The following HUWE1 variants were observed in gnomAD, a reference collection of about 807,000 sequenced individuals.
HUWE1 encodes E3 ubiquitin-protein ligase HUWE1.
A neutral mutation model predicts 299.4 loss-of-function variants in HUWE1; 18 were observed. The ratio of observed to expected loss-of-function variants is 0.06; its 90% CI spans 0.04 to 0.09. The LOEUF is 0.09. Ranked by LOEUF, HUWE1 falls within the 10% of genes least tolerant of loss-of-function variation. The probability of loss-of-function intolerance (pLI) is 1.00; values close to 1 mark genes in which losing one functional copy is unlikely to be tolerated. For synonymous variants in HUWE1, 1,317 were observed against 1,286.1 expected (o/e 1.02, Z -0.51); for missense variants, 1,832 against 3,462.3 (o/e 0.53, Z 11.82).
intron 80 of HUWE1, chrX:53,535,903 T>C (rs1556912319): frequency 2.7e-6 from 1 of 370,002 alleles, no homozygotes; most frequent in African/African-American, 2.7e-5. Flanking sequence ...CCCTTGGGAA[T>C]GAGGAATTAT....
chrX:53,556,078 A>G (rs781930598), intron 60 of HUWE1: 1 of 280,120 alleles, frequency 3.6e-6, no homozygotes, highest in East Asian at 1.1e-4. Context: ...TGCTCCAATT[A>G]ATGAAAGACA....
rs782031261 is a variant in HUWE1, at chrX:53,534,009, T to C, written c.13020A>G (p.Thr4340=). The C allele has an allele frequency of 8.3e-7, 1 of 1,206,451 alleles. No individual in the cohort carries two copies. Among genetic ancestry groups the C allele is most frequent in the South Asian group, 1.8e-5 (1 of 56,853 alleles). Residue 4340 remains threonine, a splice_region_variant and synonymous_variant, in exon 83 of 84, where the codon ACA becomes ACG. Transcript: ENST00000262854. The part of the protein sequence containing the change: ...RSTDRLPSAH[T]CFNQLDLPAY... ...GAGAAACAAACCCTTCCTTTTACCA[T>C]GTGTGAGCTGAAGGCAGGCGATCTG...
At chrX:53,670,071 T>C (rs1371728711) in intron 3 of HUWE1, among the ~76,000 whole-genome samples, 1 of 111,925 alleles carries the variant, frequency 8.9e-6, no homozygotes, top group African/African-American at 3.2e-5. Context: ...ATAGCATCCA[T>C]AAATGCATGA....
At chrX:53,548,561 G>A (rs1290017154) in intron 67 of HUWE1, among the ~76,000 whole-genome samples, 7 of 112,787 alleles carry the variant, frequency 6.2e-5, no homozygotes, top group African/African-American at 2.3e-4. Flanking sequence ...GAGATTAAAC[G>A]ACATGATGTA....
rs782764055 is a variant in HUWE1, at chrX:53,537,579, G to A, written c.12114C>T (p.Ser4038=). 6 of 1,210,725 alleles carry A rather than the reference G, an allele frequency of 5.0e-6. No individual in the cohort carries two copies. The South Asian group carries it at 1.1e-4, about 21-fold the overall frequency. The part of the protein sequence containing the change: ...EDSYRELHRK[S]PEEMKNRLYI... The stretch of plus-strand genomic sequence containing the variant: ...ACAATCGATTCTTCATTTCTTCGGG[G>A]GATTTGCGATGCAGCTCACGATAGG... The change falls in exon 78 of 84, where the codon TCC becomes TCT. Residue 4038 remains serine, a synonymous_variant. Coordinates refer to ENST00000262854, the MANE Select transcript of HUWE1 (RefSeq NM_031407.7).
rs1171587311 is a variant in HUWE1, at chrX:53,534,304, T to C, written c.12832-107A>G. 6 of 775,199 alleles carry C rather than the reference T, an allele frequency of 7.7e-6. No individual in the cohort carries two copies. In the African/African-American group the frequency reaches 1.2e-4, roughly 16 times the overall value. The allele number at this position is 775,199 out of a possible 1,213,427, so 63.9% of individuals were successfully genotyped here. A position where few individuals can be genotyped will look rare whatever the true frequency, so the allele number is the denominator to read the frequency against. On this transcript the variant is annotated intron_variant, in intron 82 of 83. Coordinates refer to ENST00000262854, the MANE Select transcript of HUWE1 (RefSeq NM_031407.7). ...GACTGGACTTGGTATCTGAGGCAAGTCCCTTCTGTGGGATGAGCTTTAGCT... is the reference window on the plus strand; with the variant it reads ...GACTGGACTTGGTATCTGAGGCAAGCCCCTTCTGTGGGATGAGCTTTAGCT...
chrX:53,582,618 C>G (rs2063675373), intron 42 of HUWE1, among the ~76,000 whole-genome samples: 1 of 112,381 alleles, frequency 8.9e-6, no homozygotes, highest in Non-Finnish European at 1.9e-5. Flanking sequence ...AACAATGTCC[C>G]AAGAGAGGAA....
rs782168876 is a variant in HUWE1, at chrX:53,603,372, T to C, written c.2872A>G (p.Asn958Asp). ...STVLLSLCTPNSLPSGCEFGQ... is the reference protein window; with the variant it reads ...STVLLSLCTPDSLPSGCEFGQ... The stretch of plus-strand genomic sequence containing the variant: ...GAGAGAGAGCCATTCTCTTACCTGT[T>C]TGGGGTACACAGAGAGAGGAGGACA... Residue 958 changes from asparagine (N) to aspartate (D), a missense_variant, in exon 27 of 84, where the codon AAC (asparagine) becomes GAC (aspartate). Asn to Asp is a conservative substitution (Grantham distance 23). Coordinates refer to ENST00000262854, the MANE Select transcript of HUWE1 (RefSeq NM_031407.7). 2.5e-6 allele frequency: 3 copies of C among 1,208,656 alleles called. No homozygotes were observed. The Admixed American group carries it at 6.5e-5, about 26-fold the overall frequency.
At position 53,585,001 on chromosome X, in the gene HUWE1, T is replaced by C. The variant is rs782201316; in HGVS notation, c.5001+11A>G. ...CCACGGGTTAGACAAGCTTGGTGAG[T>C]GAGCATGTACCTGCACCATTGTAGT... On this transcript the variant is annotated intron_variant, in intron 40 of 83. Transcript: ENST00000262854. 4 of 1,210,861 alleles carry C rather than the reference T, an allele frequency of 3.3e-6. No individual in the cohort carries two copies. Among genetic ancestry groups the C allele is most frequent in the Non-Finnish European group, 3.4e-6 (3 of 894,908 alleles).
intron 23 of HUWE1, among the ~76,000 whole-genome samples, chrX:53,613,879 C>A (rs1318499069): frequency 8.9e-6 from 1 of 111,842 alleles, no homozygotes; most frequent in Non-Finnish European, 1.9e-5. Context: ...TGTGGAATAT[C>A]AAATCAACAA....
intron 47 of HUWE1, among the ~76,000 whole-genome samples, chrX:53,570,369 G>A (rs1242456499): frequency 3.6e-5 from 4 of 112,583 alleles, no homozygotes; most frequent in East Asian, 2.8e-4. Context: ...TTTGATAAGC[G>A]GTAATCTGAA....
Position 53,627,465 on chromosome X carries a change from C to T in HUWE1, c.1434G>A (p.Lys478=), listed in dbSNP as rs1557018798. The change falls in exon 17 of 84, where the codon AAG becomes AAA. Residue 478 remains lysine (K), a synonymous_variant. Coordinates refer to ENST00000262854, the MANE Select transcript of HUWE1 (RefSeq NM_031407.7). ...CTTGTGTAGTATTGGGTCTCTGGATCTTTGGCTTGATCACAAACGGACATT... is the reference window on the plus strand; with the variant it reads ...CTTGTGTAGTATTGGGTCTCTGGATTTTTGGCTTGATCACAAACGGACATT... ...RKECPFVIKP[K]IQRPNTTQEG... 2 of 1,204,956 alleles carry T rather than the reference C, an allele frequency of 1.7e-6. No homozygotes were observed. Among genetic ancestry groups the T allele is most frequent in the Admixed American group, 2.2e-5 (1 of 45,836 alleles).
At chrX:53,686,130 G>A (rs184677762) in intron 2 of HUWE1, 140 bp downstream of exon 2, 2 of 112,914 alleles carry the variant, frequency 1.8e-5, no homozygotes, top group East Asian at 2.8e-4. Context: ...GCAACGCCTA[G>A]TAGTTACCCG....
chrX:53,637,050 C>T (rs782765967), intron 7 of HUWE1, among the ~76,000 whole-genome samples: 1 of 112,394 alleles, frequency 8.9e-6, no homozygotes, highest in African/African-American at 3.2e-5. Flanking sequence ...AACATTTCAG[C>T]TTTTTATTAC....
intron 59 of HUWE1, 140 bp downstream of exon 59, chrX:53,558,515 G>T (rs1556937325): frequency 1.7e-6 from 1 of 593,216 alleles, no homozygotes; most frequent in Non-Finnish European, 2.8e-6. Flanking sequence ...TCAATGTATG[G>T]TGAATTTGAA....
intron 19 of HUWE1, among the ~76,000 whole-genome samples, chrX:53,618,005 A>G (rs111828990): frequency 0.015 from 1,725 of 112,345 alleles, 37 homozygotes; most frequent in African/African-American, 0.054. Flanking sequence ...GAGTCCTTGA[A>G]TATTAATCTG....
chrX:53,635,234 T>A lies in HUWE1; in HGVS notation c.505-936A>T, dbSNP rs911367038. Among the ~76,000 whole-genome samples the A allele has an allele frequency of 5.5e-5, 6 of 109,345 alleles. No individual in the cohort carries two copies. The East Asian group carries it at 1.1e-3, about 20-fold the overall frequency. 95.0% of individuals were successfully genotyped at this position (109,345 alleles called of 115,157 possible). On this transcript the variant is annotated intron_variant, in intron 7 of 83. Coordinates refer to ENST00000262854, the MANE Select transcript of HUWE1 (RefSeq NM_031407.7). ...TATAAAAAGATATTTTGTATATTTT[T>A]AAAAAATTATAAATATGTAAATTAT...
rs782548117 is a variant in HUWE1 at position 53,538,357 on chromosome X, G to A, written c.11976C>T (p.Leu3992=). ...FAVLVDYIRV[L]DFDVKRKYFR... ...CATACTTGCGCTTGACATCAAAGTC[G>A]AGGACACGAATGTAGTCTACCAGGA... is the stretch of plus-strand genomic sequence containing the variant. The change falls in exon 77 of 84, where the codon CTC becomes CTT. Residue 3992 remains leucine, a synonymous_variant. Transcript: ENST00000262854. The A allele has an allele frequency of 6.7e-6, 8 of 1,202,981 alleles. No homozygotes were observed. The highest frequency in any genetic ancestry group is 5.2e-5 in the African/African-American group (3 of 57,492).
chrX:53,645,222 A>T, intron 7 of HUWE1, 89 bp downstream of exon 7: 1 of 964,871 alleles, frequency 1.0e-6, no homozygotes, highest in Non-Finnish European at 1.5e-6. Flanking sequence ...TAGGGATTCT[A>T]ATATATTTTA....
Sources: gnomAD v4.1 joint callset for allele counts (sites outside exome capture counted in the v4.1 genomes callset) on GRCh38, gnomAD v4.1.1 for gene constraint, MANE v1.5 for transcripts, NCBI Gene and HGNC (gene_info 2026-07-23, HGNC 2026-07-21) for gene names.